Variants in KHDRBS2 observed in about 807,000 individuals in gnomAD.
The protein encoded by KHDRBS2 is KH domain-containing, RNA-binding, signal transduction-associated protein 2.
KHDRBS2 carries 26 observed loss-of-function variants against 44.3 expected under a neutral mutation model. The ratio of observed to expected loss-of-function variants is 0.59; its 90% confidence interval spans 0.43 to 0.81. The LOEUF is 0.81. Ranked by LOEUF, KHDRBS2 falls within the 40% of genes least tolerant of loss-of-function variation. KHDRBS2 has a pLI of 0.00. For synonymous variants in KHDRBS2, 194 were observed against 151.1 expected, an observed-to-expected ratio of 1.28 and a Z score of -2.08; for missense variants, 476 against 433.1, an observed-to-expected ratio of 1.10 and a Z score of -0.88.
At chr6:62,132,766 C>G (rs560147766) in intron 2 of KHDRBS2, among the ~76,000 whole-genome samples, 3 of 152,224 alleles carry the variant, frequency 2.0e-5, no homozygotes, top group Admixed American at 6.5e-5. Context: ...TGTTTAAAAA[C>G]TATCAGGTTT....
chr6:62,182,944 C>T (rs1008996421), intron 1 of KHDRBS2, among the ~76,000 whole-genome samples: 1 of 151,704 alleles, frequency 6.6e-6, no homozygotes, highest in Non-Finnish European at 1.5e-5. Context: ...TGAATCTTTA[C>T]CTTGTCAAGT....
At chr6:61,920,458 C>T (rs1424142283) in intron 4 of KHDRBS2, among the ~76,000 whole-genome samples, 1 of 151,976 alleles carries the variant, frequency 6.6e-6, no homozygotes, top group South Asian at 2.1e-4. Flanking sequence ...TCTCCTATAC[C>T]ACCTATTTGA....
rs139055329 is a variant in KHDRBS2, at chr6:61,984,602, G to A, written c.337-6390C>T. Among the ~76,000 whole-genome samples the A allele has an allele frequency of 1.1e-4, 17 of 152,238 alleles. No individual in the cohort carries two copies. In the East Asian group the frequency reaches 2.9e-3, roughly 26 times the overall value. Reference sequence around the variant, plus strand: ...AGTCACTAGGACATTCCAAAATATTGTGTAAACAAGGCTTATCAGAACCAT... The same window carrying A: ...AGTCACTAGGACATTCCAAAATATTATGTAAACAAGGCTTATCAGAACCAT... On this transcript the variant is annotated intron_variant, in intron 3 of 8. Coordinates refer to ENST00000281156, the MANE Select transcript of KHDRBS2 (RefSeq NM_152688.4).
At chr6:61,585,226 T>C in the KHDRBS2 span, among the ~76,000 whole-genome samples, 3 of 151,752 alleles carry the variant, frequency 2.0e-5, no homozygotes, top group Non-Finnish European at 2.9e-5. Flanking sequence ...AAATGTTCAG[T>C]AAAACTAGAG....
At chr6:61,868,128 G>A (rs549751493) in intron 6 of KHDRBS2, among the ~76,000 whole-genome samples, 131 of 151,972 alleles carry the variant, frequency 8.6e-4, no homozygotes, top group African/African-American at 3.0e-3. Context: ...GAACTCTGTA[G>A]GAGGTGTAAC....
intron 4 of KHDRBS2, among the ~76,000 whole-genome samples, chr6:61,924,009 T>C (rs1181395547): frequency 1.3e-5 from 2 of 152,028 alleles, no homozygotes. Context: ...TTACTAGCAA[T>C]GAACAATTAG....
chr6:61,781,240 C>T (rs959711218), intron 6 of KHDRBS2, among the ~76,000 whole-genome samples: 1 of 152,116 alleles, frequency 6.6e-6, no homozygotes, highest in Non-Finnish European at 1.5e-5. Flanking sequence ...TATAATTTAG[C>T]ATCCCAGTAA....
chr6:61,700,801 C>T (rs1431274621), intron 7 of KHDRBS2, among the ~76,000 whole-genome samples: 1 of 151,448 alleles, frequency 6.6e-6, no homozygotes, highest in Non-Finnish European at 1.5e-5. Context: ...AAAGACAATG[C>T]CTTAAGAAGT....
At chr6:61,735,944 T>C (rs1413436222) in intron 6 of KHDRBS2, among the ~76,000 whole-genome samples, 1 of 152,092 alleles carries the variant, frequency 6.6e-6, no homozygotes, top group East Asian at 1.9e-4. Flanking sequence ...TGGATGCTTT[T>C]ACAATTTTTA....
intron 2 of KHDRBS2, among the ~76,000 whole-genome samples, chr6:62,056,106 G>T (rs1434584598): frequency 6.6e-6 from 1 of 151,920 alleles, no homozygotes; most frequent in Non-Finnish European, 1.5e-5. Context: ...TCTTCCCACA[G>T]TTATATTAGC....
chr6:61,683,279 A>G (rs750037926), intron 8 of KHDRBS2, among the ~76,000 whole-genome samples: 5 of 151,918 alleles, frequency 3.3e-5, no homozygotes. Flanking sequence ...TACAGAGGAC[A>G]TAAGTGTTTA....
In KHDRBS2 at chr6:61,947,218, G is replaced by A. The variant is rs1398347951; in HGVS notation, c.483+30848C>T. On this transcript the variant is annotated intron_variant, in intron 4 of 8. Coordinates refer to ENST00000281156, the MANE Select transcript of KHDRBS2 (RefSeq NM_152688.4). ...TAAGACATCTGCAAAATGGAGGTTC[G>A]TGCTCATCAGTCAGTTAATGTGAAT... is the stretch of plus-strand genomic sequence containing the variant. 6.6e-5 allele frequency among the ~76,000 whole-genome samples: 10 copies of A among 152,196 alleles called. No homozygotes were observed. The South Asian group carries it at 1.0e-3, about 16-fold the overall frequency.
At chr6:62,177,690 C>T (rs1286868716) in intron 1 of KHDRBS2, among the ~76,000 whole-genome samples, 1 of 151,222 alleles carries the variant, frequency 6.6e-6, no homozygotes, top group African/African-American at 2.4e-5. Context: ...GAACAAAATA[C>T]ATTTTAAGGA....
At chr6:61,867,528 C>A (rs1797963626) in intron 6 of KHDRBS2, among the ~76,000 whole-genome samples, 1 of 152,196 alleles carries the variant, frequency 6.6e-6, no homozygotes, top group Non-Finnish European at 1.5e-5. Context: ...GGGAAGGCGG[C>A]ACTATGACTT....
At chr6:62,041,556 A>T (rs564848032) in intron 3 of KHDRBS2, among the ~76,000 whole-genome samples, 35 of 152,134 alleles carry the variant, frequency 2.3e-4, no homozygotes, top group African/African-American at 8.4e-4. Context: ...CTCTCATTTC[A>T]CTCTTCTAGG....
the KHDRBS2 span, among the ~76,000 whole-genome samples, chr6:61,662,276 A>G: frequency 6.6e-6 from 1 of 152,236 alleles, no homozygotes; most frequent in Admixed American, 6.5e-5. Context: ...TACATGTTAG[A>G]CCTAAAACCA....
chr6:62,215,553 C>T (rs1829838567), intron 1 of KHDRBS2, among the ~76,000 whole-genome samples: 1 of 151,622 alleles, frequency 6.6e-6, no homozygotes. Context: ...CCAGCCCCAA[C>T]CACAATAAAA....
At chr6:62,103,582 G>A (rs771874296) in intron 2 of KHDRBS2, among the ~76,000 whole-genome samples, 1 of 132,060 alleles carries the variant, frequency 7.6e-6, no homozygotes, top group Non-Finnish European at 1.5e-5. Context: ...CAGGATGTCT[G>A]GTCTGGGTCC....
the KHDRBS2 span, among the ~76,000 whole-genome samples, chr6:61,560,267 A>C: frequency 6.6e-6 from 1 of 152,152 alleles, no homozygotes; most frequent in Non-Finnish European, 1.5e-5. Flanking sequence ...AAGATTAATA[A>C]TTAAAGGCCT....
Sources: gnomAD v4.1 joint callset for allele counts (sites outside exome capture counted in the v4.1 genomes callset) on GRCh38, gnomAD v4.1.1 for gene constraint, MANE v1.5 for transcripts, NCBI Gene and HGNC (gene_info 2026-07-23, HGNC 2026-07-21) for gene names.